Variants in SF3B4 observed in about 807,000 individuals in gnomAD.
The protein encoded by SF3B4 is splicing factor 3b subunit 4, also known as SAP 49.
SF3B4 carries 3 observed loss-of-function variants against 34.3 expected under a neutral mutation model. The ratio of observed to expected loss-of-function variants is 0.09; its 90% CI spans 0.04 to 0.23. The LOEUF (loss-of-function observed/expected upper bound fraction) is 0.23, where lower values mean the gene tolerates loss of function less well. Among genes scored for constraint, SF3B4 ranks in the 10% least tolerant of loss-of-function variants. The pLI, the probability that SF3B4 is intolerant of heterozygous loss-of-function variation, is 1.00. For synonymous variants in SF3B4, 216 were observed against 207.8 expected, an observed-to-expected ratio of 1.04 and a Z score of -0.34; for missense variants, 283 against 567.2, an observed-to-expected ratio of 0.50 and a Z score of 5.09.
chr1:149,925,689 G>T (rs782669618), intron 4 of SF3B4, 147 bp downstream of exon 4: 7 of 732,526 alleles, frequency 9.6e-6, no homozygotes, highest in Admixed American at 8.0e-5. Context: ...ATGTTAGAGA[G>T]CATTTTGTAT....
At chr1:149,927,584 G>T (rs988614715) in intron 1 of SF3B4, 142 bp downstream of exon 1, 6 of 1,127,290 alleles carry the variant, frequency 5.3e-6, no homozygotes, top group Non-Finnish European at 7.6e-6. Context: ...CGGCCACCCC[G>T]CCCCCAACAG....
chr1:149,924,014 C>A lies in SF3B4; in HGVS notation c.914G>T (p.Gly305Val). 1 of 1,530,434 alleles carries A rather than the reference C, an allele frequency of 6.5e-7. No homozygotes were observed. Among genetic ancestry groups the A allele is most frequent in the Non-Finnish European group, 8.7e-7 (1 of 1,147,950 alleles). The allele number at this position is 1,530,434 out of a possible 1,614,324, so 94.8% of individuals were successfully genotyped here. A position where few individuals can be genotyped will look rare whatever the true frequency, so the allele number is the denominator to read the frequency against. Residue 305 changes from glycine (G) to valine (V), a missense_variant and splice_region_variant, in exon 5 of 6, where the codon GGG becomes GTG. Around this residue, in one of 4 missense-constraint regions of SF3B4, gnomAD observed 208 missense variants for 292.6 expected, o/e 0.71. Transcript: ENST00000271628. ...GTGTGCAAGCTGCATCTGAGACATC[C>A]CTATGAAAATAAAATAGACACAAGA... ...PFPPGGMPHPGMSQMQLAHHG... is the reference protein window; with the variant it reads ...PFPPGGMPHPVMSQMQLAHHG...
intron 1 of SF3B4, 169 bp from the exon 2 acceptor site, chr1:149,927,463 A>G: frequency 1.2e-6 from 1 of 807,434 alleles, no homozygotes; most frequent in Non-Finnish European, 1.9e-6. Context: ...GGACTTCGGG[A>G]ATCCTCTGAA....
At position 149,926,118 on chromosome 1, in the gene SF3B4, G is replaced by T; in HGVS notation, c.707-76C>A. ...TCTTTAAAGAGCCTGTCCTGATCTGGCCTCTCCAGGCAGGGTGAGCTCTTT... is the reference window on the plus strand; with the variant it reads ...TCTTTAAAGAGCCTGTCCTGATCTGTCCTCTCCAGGCAGGGTGAGCTCTTT... On this transcript the variant is annotated intron_variant, in intron 3 of 5. Coordinates refer to ENST00000271628, the MANE Select transcript of SF3B4 (RefSeq NM_005850.5). This position sits in a 1 kb window ranked among gnomAD's most constrained non-coding sequence, Gnocchi z 6.2. 1.3e-6 allele frequency: 1 copy of T among 756,118 alleles called. No individual in the cohort carries two copies. Among genetic ancestry groups the T allele is most frequent in the Non-Finnish European group, 2.1e-6 (1 of 471,300 alleles). 46.8% of individuals were successfully genotyped at this position (756,118 alleles called of 1,614,324 possible). A position where few individuals can be genotyped will look rare whatever the true frequency, so the allele number is the denominator to read the frequency against.
At position 149,923,680 on chromosome 1, in the gene SF3B4, C is replaced by T; in HGVS notation, c.1137G>A (p.Leu379=). ...GGCCAGTGTATCCATGGGGGGGCAT[C>T]AGTGGAGGAGGTCCACGCATACCAT... ...PPHGMRGPPP[L]MPPHGYTGPP... is the part of the protein sequence containing the mutation. Residue 379 remains leucine, a synonymous_variant, in exon 6 of 6, where the codon CTG becomes CTA. Coordinates refer to ENST00000271628, the MANE Select transcript of SF3B4 (RefSeq NM_005850.5). 1 of 1,524,384 alleles carries T rather than the reference C, an allele frequency of 6.6e-7. No individual in the cohort carries two copies. The highest frequency in any genetic ancestry group is 8.7e-7 in the Non-Finnish European group (1 of 1,147,204). 94.4% of individuals were successfully genotyped at this position (1,524,384 alleles called of 1,614,324 possible). A position where few individuals can be genotyped will look rare whatever the true frequency, so the allele number is the denominator to read the frequency against.
In SF3B4 at chr1:149,927,776, C is replaced by A; in HGVS notation, c.-17G>T. On this transcript the variant is annotated 5_prime_UTR_variant, in exon 1 of 6. Transcript: ENST00000271628. The stretch of plus-strand genomic sequence containing the variant: ...GGCAGCCATGGCGAAAGAGATCCCG[C>A]CGTCTCCCAGCAGCGGTTCCGCCTT... The A allele has an allele frequency of 1.3e-6, 2 of 1,552,008 alleles. No individual in the cohort carries two copies. The highest frequency in any genetic ancestry group is 8.7e-7 in the Non-Finnish European group (1 of 1,147,372).
intron 2 of SF3B4, 51 bp downstream of exon 2, chr1:149,927,115 G>C: frequency 6.2e-7 from 1 of 1,600,108 alleles, no homozygotes; most frequent in Non-Finnish European, 8.5e-7. Flanking sequence ...AAACAGTTGT[G>C]AATACTGCTG....
chr1:149,927,411 A>G lies in SF3B4; in HGVS notation c.35-117T>C, dbSNP rs1553766195. On this transcript the variant is annotated intron_variant, in intron 1 of 5. Transcript: ENST00000271628. ...ACTGGGGACCGCGGTAGGGGACAGG[A>G]GCAAAAAAAAAAGTTTAAACCCTTA... 3.2e-6 allele frequency: 4 copies of G among 1,257,208 alleles called. No individual in the cohort carries two copies. In the African/African-American group the frequency reaches 4.5e-5, roughly 14 times the overall value. 77.9% of individuals were successfully genotyped at this position (1,257,208 alleles called of 1,614,324 possible).
chr1:149,926,668 T>C lies in SF3B4; in HGVS notation c.414A>G (p.Thr138=), dbSNP rs1420722675. The C allele has an allele frequency of 1.9e-6, 3 of 1,614,066 alleles. No individual in the cohort carries two copies. In the African/African-American group the frequency reaches 4.0e-5, roughly 22 times the overall value. The change falls in exon 3 of 6, where the codon ACA becomes ACG. Residue 138 remains threonine (T), a synonymous_variant. Transcript: ENST00000271628. This position sits in a 1 kb window ranked among gnomAD's most constrained non-coding sequence, Gnocchi z 6.2. ...TAAAGGCATAACCTTTGGAGTTGCC[T>C]GTGTCAGGGTCCCGCATAATTTTGG... The part of the protein sequence containing the change: ...QTPKIMRDPD[T]GNSKGYAFIN...
intron 1 of SF3B4, chr1:149,927,498 T>G: frequency 1.4e-6 from 1 of 735,410 alleles, no homozygotes; most frequent in East Asian, 2.7e-5. Context: ...TGTGAGTGGG[T>G]TTTTTTGATT....
chr1:149,927,800 T>A lies in SF3B4; in HGVS notation c.-41A>T. ...GCCGTCTCCCAGCAGCGGTTCCGCC[T>A]TCTGACCTCAGCACGACTTCCACTT... On this transcript the variant is annotated 5_prime_UTR_variant, in exon 1 of 6. It adds an upstream start codon to the 5' untranslated region. Transcript: ENST00000271628. The A allele has an allele frequency of 6.4e-7, 1 of 1,551,582 alleles. No homozygotes were observed. Among genetic ancestry groups the A allele is most frequent in the Non-Finnish European group, 8.7e-7 (1 of 1,146,998 alleles).
At position 149,926,122 on chromosome 1, in the gene SF3B4, C is replaced by T. The variant is rs1474178771; in HGVS notation, c.707-80G>A. Reference sequence around the variant, plus strand: ...TAAAGAGCCTGTCCTGATCTGGCCTCTCCAGGCAGGGTGAGCTCTTTCCCC... The same window carrying T: ...TAAAGAGCCTGTCCTGATCTGGCCTTTCCAGGCAGGGTGAGCTCTTTCCCC... On this transcript the variant is annotated intron_variant, in intron 3 of 5. Transcript: ENST00000271628. This position sits in a 1 kb window ranked among gnomAD's most constrained non-coding sequence, Gnocchi z 6.2. 1.2e-5 allele frequency: 9 copies of T among 755,658 alleles called. No homozygotes were observed. The African/African-American group carries it at 1.4e-4, about 12-fold the overall frequency. The allele number at this position is 755,658 out of a possible 1,614,324, so 46.8% of individuals were successfully genotyped here. A position where few individuals can be genotyped will look rare whatever the true frequency, so the allele number is the denominator to read the frequency against.
Position 149,926,309 on chromosome 1 carries a change from G to C in SF3B4, c.706+67C>G. 1 of 1,420,820 alleles carries C rather than the reference G, an allele frequency of 7.0e-7. No homozygotes were observed. Among genetic ancestry groups the C allele is most frequent in the Non-Finnish European group, 9.6e-7 (1 of 1,040,748 alleles). The allele number at this position is 1,420,820 out of a possible 1,614,324, so 88.0% of individuals were successfully genotyped here. On this transcript the variant is annotated intron_variant, in intron 3 of 5. Transcript: ENST00000271628. The surrounding 1 kb of genome is among the most constrained non-coding windows in gnomAD (Gnocchi z 6.2). Reference sequence around the variant, plus strand: ...TGTCCCCTGTCCCCCTTTCAGACTTGTTTTCTTCTTCCTCCTGACCCTCTC... The same window carrying C: ...TGTCCCCTGTCCCCCTTTCAGACTTCTTTTCTTCTTCCTCCTGACCCTCTC...
At chr1:149,925,541 G>T (rs372220102) in intron 4 of SF3B4, 2 of 402,894 alleles carry the variant, frequency 5.0e-6, no homozygotes, top group Non-Finnish European at 9.3e-6. Flanking sequence ...GAGCAGAAGC[G>T]TCCCCGAGAT....
At chr1:149,925,583 T>G in intron 4 of SF3B4, 2 of 391,824 alleles carry the variant, frequency 5.1e-6, no homozygotes, top group South Asian at 3.7e-5. Context: ...TGAGGTGGAG[T>G]CAGAGAAGAG....
At chr1:149,924,546 C>T (rs1164072271) in intron 4 of SF3B4, among the ~76,000 whole-genome samples, 1 of 152,104 alleles carries the variant, frequency 6.6e-6, no homozygotes, top group Non-Finnish European at 1.5e-5. Flanking sequence ...AACTCCTTAC[C>T]CTATTTGCTT....
In SF3B4 at chr1:149,923,870, G is replaced by T. The variant is rs782461594; in HGVS notation, c.1058C>A (p.Pro353His). ...GGGAGATCCGAATGGAGGCCCTCGG[G>T]GGGGCATGCCCATTGGAGGAGGTCC... Reference protein sequence around the residue: ...HPGPPPMGMPPRGPPFGSPMG... With the variant: ...HPGPPPMGMPHRGPPFGSPMG... Residue 353 changes from proline (P) to histidine (H), a missense_variant, in exon 5 of 6, where the codon CCC becomes CAC. Physicochemically the swap from Pro to His is moderately conservative, Grantham distance 77. Around this residue, in one of 4 missense-constraint regions of SF3B4, gnomAD observed 208 missense variants for 292.6 expected, o/e 0.71. Coordinates refer to ENST00000271628, the MANE Select transcript of SF3B4 (RefSeq NM_005850.5). 2.5e-5 allele frequency: 40 copies of T among 1,604,000 alleles called. No homozygotes were observed. The Admixed American group carries it at 4.5e-4, about 18-fold the overall frequency.
chr1:149,925,226 G>A (rs1476650361), intron 4 of SF3B4, among the ~76,000 whole-genome samples: 5 of 152,024 alleles, frequency 3.3e-5, no homozygotes, highest in African/African-American at 1.2e-4. Flanking sequence ...GAAGGAGAGG[G>A]ATAGAAAAAT....
chr1:149,927,128 A>G, intron 2 of SF3B4, 38 bp downstream of exon 2: 1 of 1,609,440 alleles, frequency 6.2e-7, no homozygotes, highest in Non-Finnish European at 8.5e-7. Flanking sequence ...TACTGCTGGG[A>G]CCCTCCGGGA....
Sources: allele counts gnomAD v4.1 joint callset (sites outside exome capture counted in the v4.1 genomes callset), GRCh38; gene constraint gnomAD v4.1.1; regional missense constraint gnomAD v4.1.1; non-coding constraint Gnocchi (gnomAD v3.1); transcripts MANE v1.5; gene names NCBI Gene and HGNC (gene_info 2026-07-23, HGNC 2026-07-21).